The following CENPC variants were observed in gnomAD, a reference collection of about 807,000 sequenced individuals.
The protein encoded by CENPC is centromere protein C.
A neutral mutation model predicts 112.1 loss-of-function variants in CENPC; 63 were observed. That is an observed-to-expected ratio of 0.56 (90% CI 0.46 to 0.69). The LOEUF (loss-of-function observed/expected upper bound fraction) is 0.69, where lower values mean the gene tolerates loss of function less well. Among genes scored for constraint, CENPC ranks in the 30% least tolerant of loss-of-function variants. CENPC has a pLI of 0.00. For synonymous variants in CENPC, 333 were observed against 367.6 expected, an observed-to-expected ratio of 0.91 and a Z score of 1.08; for missense variants, 1,000 against 1,103.8, an observed-to-expected ratio of 0.91 and a Z score of 1.33.
chr4:67,481,587 G>A (rs1349718892), intron 17 of CENPC, among the ~76,000 whole-genome samples: 7 of 152,054 alleles, frequency 4.6e-5, no homozygotes, highest in Non-Finnish European at 1.0e-4. Flanking sequence ...ATAGAGCCTA[G>A]AAGTAAAGCC....
At chr4:67,544,061 C>T (rs1284007955) in intron 2 of CENPC, 88 bp downstream of exon 2, 1 of 719,126 alleles carries the variant, frequency 1.4e-6, no homozygotes. Flanking sequence ...TTATATTAGT[C>T]AGAGGTGATA....
At chr4:67,501,192 C>T (rs184894039) in intron 12 of CENPC, among the ~76,000 whole-genome samples, 2,797 of 152,258 alleles carry the variant, frequency 0.018, 132 homozygotes, top group Admixed American at 0.11. Flanking sequence ...CCTGTAATCA[C>T]AGCTACTCAG....
intron 17 of CENPC, among the ~76,000 whole-genome samples, chr4:67,485,160 T>G (rs1490699347): frequency 6.6e-6 from 1 of 152,136 alleles, no homozygotes; most frequent in East Asian, 1.9e-4. Flanking sequence ...GGTCACATGC[T>G]TAGGACAACA....
intron 14 of CENPC, 179 bp downstream of exon 14, chr4:67,493,705 C>T (rs766667974): frequency 6.4e-5 from 32 of 502,852 alleles, no homozygotes; most frequent in Non-Finnish European, 8.1e-5. Flanking sequence ...CATTCAGCTA[C>T]CAAAGAGAAA....
intron 12 of CENPC, among the ~76,000 whole-genome samples, chr4:67,501,102 G>C (rs929330120): frequency 6.6e-6 from 1 of 152,184 alleles, no homozygotes; most frequent in Non-Finnish European, 1.5e-5. Flanking sequence ...GAGGTCCAGA[G>C]TTTGAGACCA....
At chr4:67,516,682 T>C (rs1182211448) in intron 7 of CENPC, among the ~76,000 whole-genome samples, 2 of 152,024 alleles carry the variant, frequency 1.3e-5, no homozygotes, top group African/African-American at 4.8e-5. Context: ...CTACAATGAA[T>C]GGATGTTAAA....
chr4:67,534,392 G>A (rs1726654013), intron 4 of CENPC, among the ~76,000 whole-genome samples: 2 of 152,126 alleles, frequency 1.3e-5, no homozygotes, highest in Non-Finnish European at 2.9e-5. Flanking sequence ...CTCCAGCCCA[G>A]GAGTGCTTTT....
intron 4 of CENPC, among the ~76,000 whole-genome samples, chr4:67,536,525 T>C (rs773053327): frequency 3.1e-4 from 47 of 152,158 alleles, no homozygotes; most frequent in Non-Finnish European, 6.2e-4. Context: ...TAACTAGACC[T>C]AGGAATCTCA....
chr4:67,506,500 C>A (rs542444365), intron 11 of CENPC, among the ~76,000 whole-genome samples: 9 of 152,140 alleles, frequency 5.9e-5, no homozygotes, highest in Non-Finnish European at 1.2e-4. Context: ...ACAGCCAGAA[C>A]GGAACTGGGG....
At chr4:67,477,940 A>T (rs1260971795) in intron 17 of CENPC, among the ~76,000 whole-genome samples, 1 of 152,072 alleles carries the variant, frequency 6.6e-6, no homozygotes, top group Non-Finnish European at 1.5e-5. Flanking sequence ...GAATCGAACG[A>T]GTAGAAGAAC....
intron 17 of CENPC, among the ~76,000 whole-genome samples, chr4:67,488,360 T>C (rs1725146229): frequency 6.6e-6 from 1 of 151,998 alleles, no homozygotes. Flanking sequence ...TTTCTTCCTG[T>C]AGCACATTGT....
chr4:67,518,134 G>A (rs781394549), intron 7 of CENPC, 22 bp downstream of exon 7: 4 of 1,304,608 alleles, frequency 3.1e-6, no homozygotes, highest in Non-Finnish European at 4.2e-6. Flanking sequence ...ATGTCTCAAA[G>A]GGCAGTTTCT....
chr4:67,496,312 A>C (rs1038736146), intron 12 of CENPC, among the ~76,000 whole-genome samples: 1 of 152,218 alleles, frequency 6.6e-6, no homozygotes, highest in Non-Finnish European at 1.5e-5. Context: ...ATATAAATTC[A>C]TGAGTGTACT....
rs752383658 is a variant in CENPC at position 67,506,772 on chromosome 4, T to C, written c.2051+16A>G. 1.3e-6 allele frequency: 2 copies of C among 1,561,360 alleles called. No individual in the cohort carries two copies. Among genetic ancestry groups the C allele is most frequent in the South Asian group, 2.4e-5 (2 of 84,540 alleles). ...AACTAATATATACAACTATTATCCT[T>C]ACAATACACGCATACCTTTCCTCTA... is the stretch of plus-strand genomic sequence containing the variant. On this transcript the variant is annotated intron_variant, in intron 11 of 18. Transcript: ENST00000273853.
At chr4:67,491,478 TATAGAGAGAGAGAGAGAGAGAGAG>T (rs1725269691) in intron 16 of CENPC, among the ~76,000 whole-genome samples, 2 of 24,986 alleles carry the variant, frequency 8.0e-5, no homozygotes, top group African/African-American at 2.5e-4. Context: ...TATATATATA[TATAGAGAGAGAGAGAGAGAGAGAG>T]AGAGAGAGAG....
rs143697593 is a variant in CENPC, at chr4:67,533,705, A to G, written c.232-2791T>C. Among the ~76,000 whole-genome samples the G allele has an allele frequency of 1.5e-3, 230 of 152,288 alleles. 1 individual carries two copies. Among genetic ancestry groups the G allele is most frequent in the African/African-American group, 5.3e-3 (219 of 41,562 alleles). On this transcript the variant is annotated intron_variant, in intron 4 of 18. Transcript: ENST00000273853. ...AGCAGACAGATTACTGTTTATGGAG[A>G]AACCTATAAAGATTAGTAGAATTGC...
rs1347566280 is a variant in CENPC, at chr4:67,514,386, T to C, written c.1132A>G (p.Lys378Glu). 2 of 1,613,668 alleles carry C rather than the reference T, an allele frequency of 1.2e-6. No individual in the cohort carries two copies. Among genetic ancestry groups the C allele is most frequent in the Admixed American group, 3.3e-5 (2 of 60,014 alleles). ...HPVETSQPSDKTVLDTSYALI... is the reference protein window; with the variant it reads ...HPVETSQPSDETVLDTSYALI... ...GCATAACTTGTATCCAGTACTGTTT[T>C]ATCAGAGGGCTGAGATGTCTCTACT... Residue 378 changes from lysine to glutamate, a missense_variant, in exon 8 of 19, where the codon AAA becomes GAA. Transcript: ENST00000273853.
chr4:67,519,217 C>A lies in CENPC; in HGVS notation c.617G>T (p.Arg206Met). The change falls in exon 6 of 19, where the codon AGG becomes ATG. Residue 206 changes from arginine to methionine, a missense_variant and splice_region_variant. By Grantham distance (91) the Arg-to-Met change is moderately conservative. Transcript: ENST00000273853. ...STEVSVKTKKRLNFDDKVMLK... is the reference protein window; with the variant it reads ...STEVSVKTKKMLNFDDKVMLK... ...TAACATTATTTAAATAAAATGTTACCTTTTTTTGGTTTTAACTGAAACCTC... is the reference window on the plus strand; with the variant it reads ...TAACATTATTTAAATAAAATGTTACATTTTTTTGGTTTTAACTGAAACCTC... 7.3e-6 allele frequency: 11 copies of A among 1,507,060 alleles called. No homozygotes were observed. The highest frequency in any genetic ancestry group is 2.7e-5 in the South Asian group (2 of 72,824). The allele number at this position is 1,507,060 out of a possible 1,614,324, so 93.4% of individuals were successfully genotyped here.
chr4:67,475,304 A>C (rs569400107), intron 17 of CENPC, among the ~76,000 whole-genome samples: 1 of 152,368 alleles, frequency 6.6e-6, no homozygotes, highest in South Asian at 2.1e-4. Context: ...GCTGGCACTA[A>C]AGATGTGGGG....
Sources: gnomAD v4.1 joint callset for allele counts (sites outside exome capture counted in the v4.1 genomes callset) on GRCh38, gnomAD v4.1.1 for gene constraint, MANE v1.5 for transcripts, NCBI Gene and HGNC (gene_info 2026-07-23, HGNC 2026-07-21) for gene names.